MCM9: variants seen among roughly 807,000 people sequenced by gnomAD.
MCM9 encodes DNA helicase MCM9.
A neutral mutation model predicts 72.8 loss-of-function variants in MCM9; 55 were observed. The ratio of observed to expected loss-of-function variants is 0.76; its 90% CI spans 0.61 to 0.95. The LOEUF is 0.95. Ranked by LOEUF, MCM9 falls within the 40% of genes least tolerant of loss-of-function variation. The pLI is 0.00. For missense variants in MCM9, 1,279 were observed against 1,377.0 expected (o/e 0.93, Z 1.13); for synonymous variants, 480 against 503.4 (o/e 0.95, Z 0.62).
intron 8 of MCM9, among the ~76,000 whole-genome samples, chr6:118,886,259 A>C (rs967531503): frequency 2.0e-5 from 3 of 152,166 alleles, no homozygotes; most frequent in Non-Finnish European, 4.4e-5. Flanking sequence ...TTTCCCATTA[A>C]GATCAGGAAC....
intron 8 of MCM9, among the ~76,000 whole-genome samples, chr6:118,879,967 C>A (rs543657929): frequency 4.0e-5 from 6 of 151,592 alleles, no homozygotes; most frequent in Middle Eastern, 3.4e-3. Flanking sequence ...TCACTTGAAC[C>A]TGGGAGGTGG....
intron 9 of MCM9, among the ~76,000 whole-genome samples, chr6:118,844,552 A>G (rs1234275146): frequency 6.6e-6 from 1 of 151,816 alleles, no homozygotes; most frequent in Non-Finnish European, 1.5e-5. Context: ...ATACAAAAAA[A>G]AAAAATTAAA....
chr6:118,872,850 T>C (rs1156981979), intron 8 of MCM9, among the ~76,000 whole-genome samples: 1 of 151,766 alleles, frequency 6.6e-6, no homozygotes, highest in African/African-American at 2.4e-5. Flanking sequence ...AAAAAAAAAT[T>C]TAATCAGAAG....
chr6:118,904,992 C>T (rs908338436), intron 8 of MCM9, among the ~76,000 whole-genome samples: 2 of 152,176 alleles, frequency 1.3e-5, no homozygotes, highest in Admixed American at 1.3e-4. Flanking sequence ...CACCCGCCAC[C>T]ATGCCCAGCT....
At chr6:118,905,839 TA>T (rs1276784529) in intron 8 of MCM9, 40 of 1,556,074 alleles carry the variant, frequency 2.6e-5, no homozygotes, top group Non-Finnish European at 3.5e-5. Context: ...GTAATGTTCT[TA>T]CTATTCCTTT....
intron 9 of MCM9, among the ~76,000 whole-genome samples, chr6:118,841,464 C>T (rs1199558467): frequency 6.6e-6 from 1 of 152,230 alleles, no homozygotes; most frequent in African/African-American, 2.4e-5. Flanking sequence ...CAGAGGCAAA[C>T]AGGGTGCTTG....
chr6:118,893,928 CGCA>C (rs1168726432), intron 8 of MCM9: 1 of 804,032 alleles, frequency 1.2e-6, no homozygotes, highest in Non-Finnish European at 1.5e-6. Flanking sequence ...GCCCTCCCGC[CGCA>C]GCCACGCCTC....
intron 9 of MCM9, among the ~76,000 whole-genome samples, chr6:118,834,544 A>G (rs1201988635): frequency 1.3e-5 from 2 of 152,092 alleles, no homozygotes; most frequent in Non-Finnish European, 2.9e-5. Flanking sequence ...TTTAATGATC[A>G]CCATTCTAAA....
intron 9 of MCM9, among the ~76,000 whole-genome samples, chr6:118,852,760 T>G (rs969359107): frequency 6.6e-6 from 1 of 152,200 alleles, no homozygotes; most frequent in Non-Finnish European, 1.5e-5. Flanking sequence ...AATTTACATA[T>G]AGTAAAAGTC....
At chr6:118,836,207 C>T (rs1469691270) in intron 9 of MCM9, among the ~76,000 whole-genome samples, 2 of 152,156 alleles carry the variant, frequency 1.3e-5, no homozygotes, top group Admixed American at 6.5e-5. Flanking sequence ...CCAACTTGAT[C>T]GTGGTGGACA....
At chr6:118,874,999 G>C (rs987840140) in intron 8 of MCM9, among the ~76,000 whole-genome samples, 6 of 152,318 alleles carry the variant, frequency 3.9e-5, no homozygotes, top group Non-Finnish European at 8.8e-5. Flanking sequence ...TGTAATCCCA[G>C]CTTCTTGGGA....
At chr6:118,900,708 T>C (rs1779749020) in intron 8 of MCM9, 1 of 1,223,228 alleles carries the variant, frequency 8.2e-7, no homozygotes, top group South Asian at 1.2e-5. Flanking sequence ...GGGTCTTTGA[T>C]GTCATCTGGT....
chr6:118,842,711 G>T (rs1259797803), intron 9 of MCM9, among the ~76,000 whole-genome samples: 1 of 151,970 alleles, frequency 6.6e-6, no homozygotes, highest in Non-Finnish European at 1.5e-5. Context: ...GAAGAAAAGG[G>T]GTCTCATTAT....
At chr6:118,823,027 T>TG (rs553660555) in intron 13 of MCM9, among the ~76,000 whole-genome samples, 17 of 152,218 alleles carry the variant, frequency 1.1e-4, no homozygotes, top group Non-Finnish European at 2.2e-4. Flanking sequence ...TTCAAGCCAG[T>TG]GGTTCTTGGC....
At chr6:118,846,583 T>A (rs921970808) in intron 9 of MCM9, among the ~76,000 whole-genome samples, 1 of 151,542 alleles carries the variant, frequency 6.6e-6, no homozygotes, top group Non-Finnish European at 1.5e-5. Flanking sequence ...ATGGGAAGGA[T>A]CCCGGAGTAG....
intron 9 of MCM9, among the ~76,000 whole-genome samples, chr6:118,840,802 A>G (rs1015075459): frequency 3.7e-5 from 5 of 135,272 alleles, no homozygotes; most frequent in African/African-American, 1.4e-4. Context: ...CAGTGGTGCA[A>G]TCACAGCCCA....
intron 8 of MCM9, among the ~76,000 whole-genome samples, chr6:118,893,352 G>GGTCTCCT (rs1779074071): frequency 6.6e-6 from 1 of 152,004 alleles, no homozygotes. Context: ...TTGCCCTGTT[G>GGTCTCCT]GTCTCCTAAC....
chr6:118,919,043 C>T (rs1781201440), intron 5 of MCM9: 1 of 152,176 alleles, frequency 6.6e-6, no homozygotes, highest in South Asian at 2.1e-4. Flanking sequence ...GAATGATGAT[C>T]ATTTACTATA....
intron 6 of MCM9, among the ~76,000 whole-genome samples, chr6:118,916,438 T>C (rs1780959736): frequency 1.3e-5 from 1 of 77,642 alleles, no homozygotes; most frequent in Non-Finnish European, 2.5e-5. Flanking sequence ...GAAGCATTAT[T>C]ATTATTATTA....
Sources: gnomAD v4.1 joint callset for allele counts (sites outside exome capture counted in the v4.1 genomes callset) on GRCh38, gnomAD v4.1.1 for gene constraint, MANE v1.5 for transcripts, NCBI Gene and HGNC (gene_info 2026-07-23, HGNC 2026-07-21) for gene names.